KIF2A: variants seen among roughly 807,000 people sequenced by gnomAD.
KIF2A encodes the protein kinesin family member 2A, also known as kinesin-like protein KIF2A.
In KIF2A, 22 loss-of-function variants were observed where a neutral mutation model predicts 100.2. That is an observed-to-expected ratio of 0.22 (90% CI 0.16 to 0.31). The LOEUF (loss-of-function observed/expected upper bound fraction) is 0.31. KIF2A is among the 10% of genes least tolerant of loss of function. The pLI, the probability that KIF2A is intolerant of heterozygous loss-of-function variation, is 1.00. For synonymous variants in KIF2A, 268 were observed against 285.9 expected (o/e 0.94, Z 0.63); for missense variants, 495 against 898.7 (o/e 0.55, Z 5.74).
intron 16 of KIF2A, among the ~76,000 whole-genome samples, chr5:62,368,671 G>T (rs958614242): frequency 1.4e-4 from 22 of 151,958 alleles, no homozygotes; most frequent in African/African-American, 5.1e-4. Context: ...CAGCCACTTG[G>T]GGGGCTGAGG....
At chr5:62,315,009 T>C (rs887152701) in intron 1 of KIF2A, among the ~76,000 whole-genome samples, 4 of 151,900 alleles carry the variant, frequency 2.6e-5, no homozygotes, top group Admixed American at 1.3e-4. Context: ...GTGATCCACC[T>C]GCCTCAGCCT....
chr5:62,311,283 T>C (rs1745543064), intron 1 of KIF2A, among the ~76,000 whole-genome samples: 1 of 152,154 alleles, frequency 6.6e-6, no homozygotes, highest in African/African-American at 2.4e-5. Context: ...TACAGCCCAG[T>C]CAAGATGTAG....
At position 62,384,861 on chromosome 5, in the gene KIF2A, T is replaced by A. The variant is rs554453437; in HGVS notation, c.2150-623T>A. ...AGCTTTAAAAAGGTAAAATAGGGGG[T>A]GCTGAGCACGGTGGCTCATGCCTAT... is the stretch of plus-strand genomic sequence containing the variant. On this transcript the variant is annotated intron_variant, in intron 20 of 20. Coordinates refer to ENST00000407818, the MANE Select transcript of KIF2A (RefSeq NM_001098511.3). Among the ~76,000 whole-genome samples, 11 of 151,818 alleles carry A rather than the reference T, an allele frequency of 7.2e-5. No individual in the cohort carries two copies. The East Asian group carries it at 9.7e-4, about 13-fold the overall frequency.
chr5:62,329,336 A>G (rs1746529316), intron 1 of KIF2A, among the ~76,000 whole-genome samples: 2 of 152,184 alleles, frequency 1.3e-5, no homozygotes, highest in African/African-American at 2.4e-5. Flanking sequence ...TCCTTCTCTA[A>G]TGGCTTCTTG....
chr5:62,316,380 T>A (rs941797527), intron 1 of KIF2A, among the ~76,000 whole-genome samples: 4 of 152,232 alleles, frequency 2.6e-5, no homozygotes, highest in Non-Finnish European at 5.9e-5. Flanking sequence ...TTTTACTTTT[T>A]CTTTGCTCTT....
chr5:62,347,778 C>T (rs1747649663), intron 2 of KIF2A, among the ~76,000 whole-genome samples: 1 of 151,878 alleles, frequency 6.6e-6, no homozygotes, highest in African/African-American at 2.4e-5. Flanking sequence ...TGTGCACCAC[C>T]ACACCTGGCT....
At chr5:62,319,453 C>CT (rs1196031601) in intron 1 of KIF2A, among the ~76,000 whole-genome samples, 8 of 152,196 alleles carry the variant, frequency 5.3e-5, no homozygotes, top group African/African-American at 1.9e-4. Context: ...TCTAACTAAC[C>CT]TAGCTAACTG....
chr5:62,355,123 T>C lies in KIF2A; in HGVS notation c.559-36T>C, dbSNP rs767822997. 6 of 905,110 alleles carry C rather than the reference T, an allele frequency of 6.6e-6. No homozygotes were observed. In the African/African-American group the frequency reaches 8.4e-5, roughly 13 times the overall value. The allele number at this position is 905,110 out of a possible 1,614,324, so 56.1% of individuals were successfully genotyped here. On this transcript the variant is annotated intron_variant, in intron 6 of 20. Transcript: ENST00000407818. ...TATAAATGTAACAAATACATTATTA[T>C]ATTTATAATGGTGAATTCTCTCTGT...
Position 62,388,850 on chromosome 5 carries a change from T to G in KIF2A, c.*3281T>G, listed in dbSNP as rs1742159443. ...TTTGATACTTAGAACTTTCCAACTT[T>G]AAAATTCAGAATCATAAATGGTGAC... On this transcript the variant is annotated 3_prime_UTR_variant, in exon 21 of 21. Coordinates refer to ENST00000407818, the MANE Select transcript of KIF2A (RefSeq NM_001098511.3). The G allele has an allele frequency of 3.0e-6, 2 of 675,192 alleles. No homozygotes were observed. Among genetic ancestry groups the G allele is most frequent in the Admixed American group, 5.9e-5 (2 of 34,090 alleles). The allele number at this position is 675,192 out of a possible 1,614,324, so 41.8% of individuals were successfully genotyped here. A position where few individuals can be genotyped will look rare whatever the true frequency, so the allele number is the denominator to read the frequency against.
chr5:62,358,683 T>C (rs1748235974), intron 9 of KIF2A, among the ~76,000 whole-genome samples: 1 of 152,214 alleles, frequency 6.6e-6, no homozygotes, highest in Non-Finnish European at 1.5e-5. Flanking sequence ...CTTGAAATGT[T>C]TGTTTGAGGC....
At chr5:62,337,455 G>A (rs1356264844) in intron 1 of KIF2A, among the ~76,000 whole-genome samples, 1 of 151,672 alleles carries the variant, frequency 6.6e-6, no homozygotes, top group East Asian at 1.9e-4. Context: ...TCACACCATC[G>A]CACTCCAGCC....
chr5:62,366,666 C>A (rs527572573), intron 16 of KIF2A, among the ~76,000 whole-genome samples, 185 bp downstream of exon 16: 1 of 151,990 alleles, frequency 6.6e-6, no homozygotes, highest in Non-Finnish European at 1.5e-5. Context: ...CCCGTCTCTA[C>A]TAAAAATACA....
At position 62,367,497 on chromosome 5, in the gene KIF2A, C is replaced by T. The variant is rs182204081; in HGVS notation, c.1646+1016C>T. Among the ~76,000 whole-genome samples the T allele has an allele frequency of 3.9e-3, 589 of 152,260 alleles. 4 individuals are homozygous for T. Among genetic ancestry groups the T allele is most frequent in the Non-Finnish European group, 7.2e-3 (488 of 68,002 alleles). On this transcript the variant is annotated intron_variant, in intron 16 of 20. Coordinates refer to ENST00000407818, the MANE Select transcript of KIF2A (RefSeq NM_001098511.3). ...GGCTAGGCTGGTCTCGAACTCCTGA[C>T]CTCAGGTGATCCACCTGCCTCGGCC...
chr5:62,323,216 A>AT (rs1448440956), intron 1 of KIF2A, among the ~76,000 whole-genome samples: 1 of 151,162 alleles, frequency 6.6e-6, no homozygotes, highest in Non-Finnish European at 1.5e-5. Flanking sequence ...AGATCACGCC[A>AT]TTGCACTCCA....
At position 62,345,859 on chromosome 5, in the gene KIF2A, G is replaced by A. The variant is rs1006462128; in HGVS notation, c.65-1271G>A. Among the ~76,000 whole-genome samples the A allele has an allele frequency of 8.5e-5, 13 of 152,066 alleles. No homozygotes were observed. The East Asian group carries it at 9.6e-4, about 11-fold the overall frequency. ...GGAAATATTGAAGATGCAGTATATT[G>A]CATAGTTTCTGTCTCTACTTGAGTA... On this transcript the variant is annotated intron_variant, in intron 1 of 20. Coordinates refer to ENST00000407818, the MANE Select transcript of KIF2A (RefSeq NM_001098511.3).
At chr5:62,314,965 G>C (rs1045543742) in intron 1 of KIF2A, among the ~76,000 whole-genome samples, 1 of 151,674 alleles carries the variant, frequency 6.6e-6, no homozygotes, top group Admixed American at 6.6e-5. Flanking sequence ...GTTTCACCAT[G>C]TTGGCCAGGC....
In KIF2A at chr5:62,341,001, G is replaced by C. The variant is rs796116639; in HGVS notation, c.65-6129G>C. On this transcript the variant is annotated intron_variant, in intron 1 of 20. Coordinates refer to ENST00000407818, the MANE Select transcript of KIF2A (RefSeq NM_001098511.3). ...CCATGCTGCATTGGTATTGTAGGTA[G>C]TGTAGATGGTTCTAGTTATCTGATT... is the stretch of plus-strand genomic sequence containing the variant. Among the ~76,000 whole-genome samples, 30 of 152,320 alleles carry C rather than the reference G, an allele frequency of 2.0e-4. 2 individuals are homozygous for C. In the South Asian group the frequency reaches 6.0e-3, roughly 30 times the overall value.
intron 1 of KIF2A, among the ~76,000 whole-genome samples, chr5:62,317,419 C>T (rs1277254415): frequency 6.6e-6 from 1 of 152,152 alleles, no homozygotes; most frequent in Non-Finnish European, 1.5e-5. Flanking sequence ...AGAATTTAAC[C>T]ACAGAAAGCT....
chr5:62,366,756 G>C (rs1039389289), intron 16 of KIF2A, among the ~76,000 whole-genome samples: 1 of 151,808 alleles, frequency 6.6e-6, no homozygotes, highest in Non-Finnish European at 1.5e-5. Flanking sequence ...GCCTGAACCC[G>C]GGAGGCAGAG....
Sources: allele counts gnomAD v4.1 joint callset (sites outside exome capture counted in the v4.1 genomes callset), GRCh38; gene constraint gnomAD v4.1.1; transcripts MANE v1.5; gene names NCBI Gene and HGNC (gene_info 2026-07-23, HGNC 2026-07-21).